The following TYMS variants were observed in gnomAD, a reference collection of about 807,000 sequenced individuals.
The protein encoded by TYMS is thymidylate synthase.
Under a neutral mutation model 39.3 loss-of-function variants are expected in TYMS, and 21 were observed. That is an observed-to-expected ratio of 0.54 (90% CI 0.38 to 0.77). The LOEUF (loss-of-function observed/expected upper bound fraction) is 0.77, where lower values mean the gene tolerates loss of function less well. TYMS is among the 30% of genes least tolerant of loss of function. The probability of loss-of-function intolerance (pLI) is 0.00; values close to 1 mark genes in which losing one functional copy is unlikely to be tolerated. For missense variants in TYMS, 273 were observed against 406.7 expected (o/e 0.67, Z 2.83); for synonymous variants, 171 against 162.2 (o/e 1.05, Z -0.41).
chr18:659,460 G>A (rs987407622), intron 1 of TYMS, among the ~76,000 whole-genome samples, 181 bp from the exon 2 acceptor site: 6 of 152,078 alleles, frequency 3.9e-5, no homozygotes, highest in Admixed American at 6.5e-5. Context: ...AGCCTGAATC[G>A]GGCCACTGAT....
chr18:662,007 C>T, intron 2 of TYMS, 139 bp from the exon 3 acceptor site: 1 of 832,660 alleles, frequency 1.2e-6, no homozygotes, highest in Non-Finnish European at 1.8e-6. Flanking sequence ...GGATGGGTTC[C>T]ATATGGGTGG....
rs2074713157 is a variant in TYMS, at chr18:658,212, C to T, written c.205+265C>T. 8.5e-6 allele frequency: 13 copies of T among 1,524,010 alleles called. No homozygotes were observed. Among genetic ancestry groups the T allele is most frequent in the African/African-American group, 4.1e-5 (3 of 72,674 alleles). 94.4% of individuals were successfully genotyped at this position (1,524,010 alleles called of 1,614,324 possible). On this transcript the variant is annotated intron_variant, in intron 1 of 6. Transcript: ENST00000323274. This position sits in a 1 kb window ranked among gnomAD's most constrained non-coding sequence, Gnocchi z 4.5. ...GGCTCCGCGGCCGGGCTCGCAGTCG[C>T]CCCAGTGATGCCGTGGCCCCCGAGG...
chr18:659,594 A>G (rs1248581137), intron 1 of TYMS, 47 bp from the exon 2 acceptor site: 3 of 1,542,348 alleles, frequency 1.9e-6, no homozygotes, highest in South Asian at 1.1e-5. Context: ...GTTGGATGGC[A>G]TGATCTGTCT....
At position 673,188 on chromosome 18, in the gene TYMS, G is replaced by T; in HGVS notation, c.*191G>T. On this transcript the variant is annotated 3_prime_UTR_variant, in exon 7 of 7. Transcript: ENST00000323274. ...TGTGCCAGTTCTTTCCATAATAAAA[G>T]GCTTTGAGTTAACTCACTGAGGGTA... is the stretch of plus-strand genomic sequence containing the variant. 1.9e-6 allele frequency: 1 copy of T among 521,134 alleles called. No homozygotes were observed. Among genetic ancestry groups the T allele is most frequent in the Non-Finnish European group, 3.1e-6 (1 of 317,562 alleles). The allele number at this position is 521,134 out of a possible 1,614,324, so 32.3% of individuals were successfully genotyped here. A position where few individuals can be genotyped will look rare whatever the true frequency, so the allele number is the denominator to read the frequency against.
chr18:670,746 T>C lies in TYMS; in HGVS notation c.611T>C (p.Val204Ala). 1 of 1,614,176 alleles carries C rather than the reference T, an allele frequency of 6.2e-7. No individual in the cohort carries two copies. The highest frequency in any genetic ancestry group is 8.5e-7 in the Non-Finnish European group (1 of 1,180,022). ...PCHALCQFYV[V>A]NSELSCQLYQ... ...CATGCCCTCTGCCAGTTCTATGTGG[T>C]GAACAGTGAGCTGTCCTGCCAGCTG... The change falls in exon 5 of 7, where the codon GTG (valine) becomes GCG (alanine). Residue 204 changes from valine (V) to alanine (A), a missense_variant. Val to Ala is a moderately conservative substitution (Grantham distance 64). Around this residue, in one of 3 missense-constraint regions of TYMS, gnomAD observed 228 missense variants for 326.1 expected, o/e 0.70. Transcript: ENST00000323274.
rs60409589 is a variant in TYMS at position 667,992 on chromosome 18, A to ATTTTTTTTTTTTTTTTTTTT, written c.455-1061_455-1060insTTTTTTTTTTTTTTTTTTTT. ...AATTTTGTTTTACAGATTCACAGGA[A>ATTTTTTTTTTTTTTTTTTTT]TTTTTTTTTTTTTTTTTTTAATGCA... On this transcript the variant is annotated intron_variant, in intron 3 of 6. Coordinates refer to ENST00000323274, the MANE Select transcript of TYMS (RefSeq NM_001071.4). Among the ~76,000 whole-genome samples, 11 of 105,358 alleles carry ATTTTTTTTTTTTTTTTTTTT rather than the reference A, an allele frequency of 1.0e-4. 1 individual carries two copies. The highest frequency in any genetic ancestry group is 2.7e-4 in the African/African-American group (6 of 21,846). 69.1% of individuals were successfully genotyped at this position (105,358 alleles called of 152,430 possible). A position where few individuals can be genotyped will look rare whatever the true frequency, so the allele number is the denominator to read the frequency against.
chr18:659,842 G>A (rs971056965), intron 2 of TYMS, 128 bp downstream of exon 2: 14 of 806,190 alleles, frequency 1.7e-5, no homozygotes, highest in Non-Finnish European at 2.9e-5. Context: ...TTGGGAGGCT[G>A]AGTCAGATCA....
rs373096647 is a variant in TYMS at position 670,767 on chromosome 18, A to T, written c.632A>T (p.Gln211Leu). ...FYVVNSELSC[Q>L]LYQRSGDMGL... ...GTGGTGAACAGTGAGCTGTCCTGCC[A>T]GCTGTACCAGAGATCGGGAGACATG... Residue 211 changes from glutamine to leucine, a missense_variant, in exon 5 of 7, where the codon CAG becomes CTG. Gln to Leu is a moderately radical substitution (Grantham distance 113, BLOSUM62 -2). Coordinates refer to ENST00000323274, the MANE Select transcript of TYMS (RefSeq NM_001071.4). 83 of 1,613,996 alleles carry T rather than the reference A, an allele frequency of 5.1e-5. No individual in the cohort carries two copies. The highest frequency in any genetic ancestry group is 6.9e-5 in the Non-Finnish European group (82 of 1,180,014).
In TYMS at chr18:663,107, G is replaced by A. The variant is rs1378423938; in HGVS notation, c.454+787G>A. On this transcript the variant is annotated intron_variant, in intron 3 of 6. Coordinates refer to ENST00000323274, the MANE Select transcript of TYMS (RefSeq NM_001071.4). ...AATCGCCACACTGACTTCCACAATGGTTGAACTAGTTTACAGTCCCACCAA... is the reference window on the plus strand; with the variant it reads ...AATCGCCACACTGACTTCCACAATGATTGAACTAGTTTACAGTCCCACCAA... Among the ~76,000 whole-genome samples the A allele has an allele frequency of 1.2e-4, 12 of 97,230 alleles. 3 individuals are homozygous for A. Among genetic ancestry groups the A allele is most frequent in the Non-Finnish European group, 2.3e-4 (12 of 52,210 alleles). The allele number at this position is 97,230 out of a possible 152,430, so 63.8% of individuals were successfully genotyped here. A position where few individuals can be genotyped will look rare whatever the true frequency, so the allele number is the denominator to read the frequency against.
In TYMS at chr18:673,110, C is replaced by A; in HGVS notation, c.*113C>A. The A allele has an allele frequency of 8.6e-7, 1 of 1,160,612 alleles. No homozygotes were observed. Among genetic ancestry groups the A allele is most frequent in the Non-Finnish European group, 1.2e-6 (1 of 849,602 alleles). 71.9% of individuals were successfully genotyped at this position (1,160,612 alleles called of 1,614,324 possible). On this transcript the variant is annotated 3_prime_UTR_variant, in exon 7 of 7. Transcript: ENST00000323274. ...AAAAGGAACTAGGTCAAAAATCTGT[C>A]CGTGACCTATCAGTTATTAATTTTT...
intron 3 of TYMS, among the ~76,000 whole-genome samples, chr18:668,835 T>C (rs2074915748): frequency 6.6e-6 from 1 of 152,054 alleles, no homozygotes; most frequent in African/African-American, 2.4e-5. Flanking sequence ...TTCAAAGGAC[T>C]GTGTAGAAGA....
chr18:670,950 G>A (rs189883916), intron 5 of TYMS, 83 bp downstream of exon 5: 10 of 1,483,680 alleles, frequency 6.7e-6, no homozygotes, highest in East Asian at 4.6e-5. Flanking sequence ...AAATTGCAGA[G>A]TTTAGTCTCT....
At chr18:671,582 G>C (rs1450971720) in intron 6 of TYMS, 131 bp downstream of exon 6, 2 of 720,260 alleles carry the variant, frequency 2.8e-6, no homozygotes, top group East Asian at 5.2e-5. Flanking sequence ...TTCAGTTTAG[G>C]GAGAAGTGGT....
At chr18:659,549 C>G in intron 1 of TYMS, 92 bp from the exon 2 acceptor site, 1 of 1,093,574 alleles carries the variant, frequency 9.1e-7, no homozygotes. Context: ...GCTCCAGGGC[C>G]TCACGTCCCA....
intron 4 of TYMS, among the ~76,000 whole-genome samples, chr18:669,730 G>T (rs529247273): frequency 6.9e-4 from 105 of 151,760 alleles, no homozygotes; most frequent in African/African-American, 2.4e-3. Flanking sequence ...CATTTTAAAT[G>T]GAAGCAGATG....
At chr18:665,126 C>T (rs1458519331) in intron 3 of TYMS, among the ~76,000 whole-genome samples, 29 of 149,992 alleles carry the variant, frequency 1.9e-4, no homozygotes, top group Non-Finnish European at 3.8e-4. Context: ...TGGTAGAATT[C>T]GGCTGTGAAT....
rs1180579952 is a variant in TYMS, at chr18:673,254, AATGT to A, written c.*262_*265del. 3.1e-6 allele frequency: 1 copy of A among 323,820 alleles called. No homozygotes were observed. The highest frequency in any genetic ancestry group is 2.1e-5 in the African/African-American group (1 of 47,952). The allele number at this position is 323,820 out of a possible 1,614,324, so 20.1% of individuals were successfully genotyped here. A position where few individuals can be genotyped will look rare whatever the true frequency, so the allele number is the denominator to read the frequency against. On this transcript the variant is annotated 3_prime_UTR_variant, in exon 7 of 7. Transcript: ENST00000323274. ...GTTATGAACAAAGTGAGGAGAATGA[AATGT>A]ATGTGCTCTTAGCAAAAACATGTAT...
At chr18:670,475 A>G (rs2074989413) in intron 4 of TYMS, 4 of 552,992 alleles carry the variant, frequency 7.2e-6, no homozygotes, top group Non-Finnish European at 9.6e-6. Context: ...CTTCAGCCGT[A>G]AATGGACACC....
rs2074984755 is a variant in TYMS, at chr18:670,384, A to G, written c.557-308A>G. The G allele has an allele frequency of 1.2e-5, 3 of 259,582 alleles. No homozygotes were observed. In the East Asian group the frequency reaches 2.5e-4, roughly 22 times the overall value. The allele number at this position is 259,582 out of a possible 1,614,324, so 16.1% of individuals were successfully genotyped here. ...ACCAGAAGCACCAGTTTCCTGTGGC[A>G]AACAGAATTATTCCTGCTGTATTTG... On this transcript the variant is annotated intron_variant, in intron 4 of 6. Transcript: ENST00000323274.
Sources: allele counts gnomAD v4.1 joint callset (sites outside exome capture counted in the v4.1 genomes callset), GRCh38; gene constraint gnomAD v4.1.1; regional missense constraint gnomAD v4.1.1; non-coding constraint Gnocchi (gnomAD v3.1); transcripts MANE v1.5; gene names NCBI Gene and HGNC (gene_info 2026-07-23, HGNC 2026-07-21).